PDGFC: variants seen among roughly 807,000 people sequenced by gnomAD.
The protein encoded by PDGFC is platelet-derived growth factor C.
In PDGFC, 12 loss-of-function variants were observed where a neutral mutation model predicts 35.5. That is an observed-to-expected ratio of 0.34 (90% CI 0.22 to 0.55). The LOEUF (loss-of-function observed/expected upper bound fraction) is 0.55, where lower values mean the gene tolerates loss of function less well. PDGFC is among the 20% of genes least tolerant of loss of function. The pLI is 0.91. For synonymous variants in PDGFC, 159 were observed against 148.8 expected (o/e 1.07, Z -0.50); for missense variants, 322 against 412.4 (o/e 0.78, Z 1.90).
chr4:156,931,104 G>A (rs1731539600), intron 1 of PDGFC, among the ~76,000 whole-genome samples: 1 of 152,070 alleles, frequency 6.6e-6, no homozygotes, highest in African/African-American at 2.4e-5. Context: ...AAATCATTCT[G>A]AATAGACAAA....
At chr4:156,958,535 A>G (rs1732264872) in intron 1 of PDGFC, among the ~76,000 whole-genome samples, 2 of 152,044 alleles carry the variant, frequency 1.3e-5, no homozygotes, top group African/African-American at 4.8e-5. Flanking sequence ...TTCTTACACA[A>G]TCACTTCCTT....
intron 2 of PDGFC, among the ~76,000 whole-genome samples, chr4:156,841,865 T>C (rs1382768955): frequency 3.3e-5 from 5 of 152,200 alleles, no homozygotes; most frequent in Non-Finnish European, 7.4e-5. Context: ...CTATCTGTGG[T>C]CATTTGATAA....
At chr4:156,825,551 AAATAATAATAATAATAATAAT>A (rs565531965) in intron 2 of PDGFC, among the ~76,000 whole-genome samples, 41 of 93,938 alleles carry the variant, frequency 4.4e-4, no homozygotes, top group African/African-American at 1.7e-3. Flanking sequence ...CCCTGTCTCC[AAATAATAATAATAATAATAAT>A]AATAATAATA....
chr4:156,891,821 T>C (rs756525468), intron 1 of PDGFC, among the ~76,000 whole-genome samples: 1 of 152,186 alleles, frequency 6.6e-6, no homozygotes. Context: ...CCATTCATAA[T>C]GCCAAAGGTA....
At chr4:156,785,125 C>T (rs1184509510) in intron 3 of PDGFC, among the ~76,000 whole-genome samples, 1 of 152,202 alleles carries the variant, frequency 6.6e-6, no homozygotes, top group Non-Finnish European at 1.5e-5. Context: ...GTGATATAAA[C>T]TATAAAGCAA....
chr4:156,856,429 G>T (rs902821419), intron 1 of PDGFC, among the ~76,000 whole-genome samples: 2 of 152,162 alleles, frequency 1.3e-5, no homozygotes, highest in Admixed American at 6.6e-5. Context: ...AACCTCTAGG[G>T]TTGTAATTTG....
At chr4:156,824,331 CACACACACACACACACACATAT>C (rs1407794531) in intron 2 of PDGFC, among the ~76,000 whole-genome samples, 15 of 76,196 alleles carry the variant, frequency 2.0e-4, no homozygotes, top group African/African-American at 1.2e-3. Context: ...TATATATACA[CACACACACACACACACACATAT>C]ACACACATAT....
intron 2 of PDGFC, among the ~76,000 whole-genome samples, chr4:156,834,112 T>C (rs558488942): frequency 1.4e-3 from 207 of 152,264 alleles, no homozygotes; most frequent in Non-Finnish European, 2.6e-3. Context: ...CTTTGTATAT[T>C]ACACAGAAAA....
At chr4:156,895,015 T>G (rs896343035) in intron 1 of PDGFC, among the ~76,000 whole-genome samples, 2 of 152,178 alleles carry the variant, frequency 1.3e-5, no homozygotes, top group Non-Finnish European at 2.9e-5. Context: ...ACTCTCAGGT[T>G]TGTAAGACAG....
intron 2 of PDGFC, among the ~76,000 whole-genome samples, chr4:156,830,562 A>C (rs963876984): frequency 1.7e-4 from 26 of 152,264 alleles, no homozygotes; most frequent in African/African-American, 6.3e-4. Context: ...AGTATATTTC[A>C]CCAGATGGCA....
intron 1 of PDGFC, among the ~76,000 whole-genome samples, chr4:156,916,466 C>T (rs1199985798): frequency 6.6e-6 from 1 of 152,144 alleles, no homozygotes; most frequent in Non-Finnish European, 1.5e-5. Flanking sequence ...AAATCCAGAC[C>T]TTATGTCTTC....
chr4:156,882,911 C>T (rs868040355), intron 1 of PDGFC, among the ~76,000 whole-genome samples: 13 of 151,908 alleles, frequency 8.6e-5, no homozygotes, highest in South Asian at 6.2e-4. Context: ...GGTGAAACCC[C>T]GTCTCTACTA....
intron 1 of PDGFC, among the ~76,000 whole-genome samples, chr4:156,894,810 T>C (rs966276412): frequency 6.6e-6 from 1 of 152,180 alleles, no homozygotes; most frequent in Non-Finnish European, 1.5e-5. Context: ...TCAGCACTCA[T>C]TTTAGTCCAT....
chr4:156,955,171 T>C (rs1235105003), intron 1 of PDGFC, among the ~76,000 whole-genome samples: 5 of 151,916 alleles, frequency 3.3e-5, no homozygotes, highest in Admixed American at 6.6e-5. Context: ...ACACGCAGCA[T>C]GAAGGAGAGA....
intron 1 of PDGFC, among the ~76,000 whole-genome samples, chr4:156,900,126 C>G (rs1220687890): frequency 6.6e-6 from 1 of 152,208 alleles, no homozygotes; most frequent in African/African-American, 2.4e-5. Context: ...CCAGTCATCT[C>G]TACTTTCAAC....
intron 2 of PDGFC, among the ~76,000 whole-genome samples, chr4:156,816,949 T>C (rs1317092976): frequency 6.6e-6 from 1 of 152,182 alleles, no homozygotes; most frequent in Non-Finnish European, 1.5e-5. Context: ...AATTTGGTAA[T>C]ATTTATTAAC....
At chr4:156,922,840 G>C (rs1731319135) in intron 1 of PDGFC, among the ~76,000 whole-genome samples, 1 of 152,064 alleles carries the variant, frequency 6.6e-6, no homozygotes, top group East Asian at 1.9e-4. Context: ...GAATGGATGA[G>C]ACAGTGAAAA....
chr4:156,872,535 C>T (rs12643043), intron 1 of PDGFC, among the ~76,000 whole-genome samples: 1 of 152,326 alleles, frequency 6.6e-6, no homozygotes, highest in East Asian at 1.9e-4. Flanking sequence ...ATGCCTGATG[C>T]ACATCCTTCA....
chr4:156,948,463 A>G (rs903507727), intron 1 of PDGFC, among the ~76,000 whole-genome samples: 9 of 151,960 alleles, frequency 5.9e-5, no homozygotes, highest in African/African-American at 1.9e-4. Context: ...CTGAAGGGCC[A>G]CCTTTAAGAA....
Sources: gnomAD v4.1 joint callset for allele counts (sites outside exome capture counted in the v4.1 genomes callset) on GRCh38, gnomAD v4.1.1 for gene constraint, MANE v1.5 for transcripts, NCBI Gene and HGNC (gene_info 2026-07-23, HGNC 2026-07-21) for gene names.